The following AHRR variants were observed in gnomAD, a reference collection of about 807,000 sequenced individuals.
AHRR encodes aryl hydrocarbon receptor repressor.
Under a neutral mutation model 44.0 loss-of-function variants are expected in AHRR, and 28 were observed. That is an observed-to-expected ratio of 0.64 (90% CI 0.47 to 0.87). The LOEUF is 0.87. Among genes scored for constraint, AHRR ranks in the 40% least tolerant of loss-of-function variants. The probability of loss-of-function intolerance (pLI) is 0.00; values close to 1 mark genes in which losing one functional copy is unlikely to be tolerated. For synonymous variants in AHRR, 434 were observed against 407.0 expected (o/e 1.07, Z -0.80); for missense variants, 990 against 953.9 (o/e 1.04, Z -0.50).
chr5:339,129 G>T (rs991122355), intron 1 of AHRR, among the ~76,000 whole-genome samples: 3 of 152,096 alleles, frequency 2.0e-5, no homozygotes, highest in Non-Finnish European at 4.4e-5. Context: ...CTTTTTAAGA[G>T]ACAGGGTCTT....
intron 7 of AHRR, among the ~76,000 whole-genome samples, chr5:425,303 G>A (rs1736331800): frequency 6.6e-6 from 1 of 152,214 alleles, no homozygotes; most frequent in South Asian, 2.1e-4. Flanking sequence ...GGTAGCTAGG[G>A]ACAATAAAGT....
rs1560906241 is a variant in AHRR at position 395,678 on chromosome 5, T to A, written c.352-17666T>A. Among the ~76,000 whole-genome samples the A allele has an allele frequency of 6.6e-6, 1 of 152,310 alleles. No homozygotes were observed. The highest frequency in any genetic ancestry group is 1.9e-4 in the East Asian group (1 of 5,178). On this transcript the variant is annotated intron_variant, in intron 4 of 10. Coordinates refer to ENST00000684583, the MANE Select transcript of AHRR (RefSeq NM_001377236.1). This position sits in a 1 kb window ranked among gnomAD's most constrained non-coding sequence, Gnocchi z 5.3. ...TGCTCTGGTGTGGTTTCTGGAAAATTCCTGAGAAGTCCCCAGGAACCAAAG... is the reference window on the plus strand; with the variant it reads ...TGCTCTGGTGTGGTTTCTGGAAAATACCTGAGAAGTCCCCAGGAACCAAAG...
intron 3 of AHRR, among the ~76,000 whole-genome samples, chr5:354,936 C>T (rs996156474): frequency 2.6e-5 from 4 of 152,210 alleles, no homozygotes; most frequent in Admixed American, 1.3e-4. Flanking sequence ...CATCACGCGC[C>T]GTGTCCTGCC....
At position 346,015 on chromosome 5, in the gene AHRR, C is replaced by T. The variant is rs554367239; in HGVS notation, c.62+2051C>T. 3.9e-5 allele frequency among the ~76,000 whole-genome samples: 6 copies of T among 152,320 alleles called. No homozygotes were observed. In the South Asian group the frequency reaches 1.2e-3, roughly 32 times the overall value. ...CACCAGCATGCAGTAGGCTCAGTGC[C>T]CAGGCTGACGCTGGCCCAGCGGTGA... On this transcript the variant is annotated intron_variant, in intron 2 of 10. Transcript: ENST00000684583.
intron 1 of AHRR, among the ~76,000 whole-genome samples, chr5:336,372 T>C (rs1214896426): frequency 6.6e-6 from 1 of 152,226 alleles, no homozygotes; most frequent in African/African-American, 2.4e-5. Context: ...TCTTGGAAAA[T>C]AGATTCAAAG....
intron 4 of AHRR, among the ~76,000 whole-genome samples, chr5:384,479 A>C (rs1734095819): frequency 6.6e-6 from 1 of 152,286 alleles, no homozygotes; most frequent in South Asian, 2.1e-4. Context: ...ACTGGAGTGC[A>C]ATGGCATGAT....
chr5:415,150 G>A lies in AHRR; in HGVS notation c.441+1717G>A, dbSNP rs1227238660. Among the ~76,000 whole-genome samples, 3 of 152,264 alleles carry A rather than the reference G, an allele frequency of 2.0e-5. No individual in the cohort carries two copies. In the East Asian group the frequency reaches 5.8e-4, roughly 29 times the overall value. On this transcript the variant is annotated intron_variant, in intron 5 of 10. Coordinates refer to ENST00000684583, the MANE Select transcript of AHRR (RefSeq NM_001377236.1). The stretch of plus-strand genomic sequence containing the variant: ...CACCTGGAGGCCGCTAGGCGCTGGG[G>A]GAAGCTGTGACACTGCGGGGTGCAC...
intron 2 of AHRR, among the ~76,000 whole-genome samples, chr5:353,221 A>C (rs560081664): frequency 3.9e-5 from 6 of 152,316 alleles, no homozygotes; most frequent in Admixed American, 3.3e-4. Flanking sequence ...GGAGAAACCA[A>C]GCTCGGAGCG....
At chr5:345,609 GGT>G (rs1431299672) in intron 2 of AHRR, among the ~76,000 whole-genome samples, 1 of 146,794 alleles carries the variant, frequency 6.8e-6, no homozygotes, top group African/African-American at 2.5e-5. Flanking sequence ...TGTGTGTGTG[GGT>G]GTGTGTGTCG....
At chr5:417,053 C>T (rs1260938880) in intron 5 of AHRR, among the ~76,000 whole-genome samples, 2 of 148,358 alleles carry the variant, frequency 1.3e-5, no homozygotes, top group African/African-American at 5.0e-5. Flanking sequence ...GTGGCTTGGT[C>T]TGTATGTGCA....
chr5:324,648 G>T (rs1163961700), intron 1 of AHRR, among the ~76,000 whole-genome samples: 1 of 151,988 alleles, frequency 6.6e-6, no homozygotes, highest in East Asian at 1.9e-4. Flanking sequence ...AATTAGCCGG[G>T]TGTGGTGGCC....
At chr5:351,739 T>G (rs1241294568) in intron 2 of AHRR, among the ~76,000 whole-genome samples, 1 of 152,240 alleles carries the variant, frequency 6.6e-6, no homozygotes, top group Non-Finnish European at 1.5e-5. Flanking sequence ...ATGTGGATTA[T>G]ATCTCAACTG....
intron 4 of AHRR, among the ~76,000 whole-genome samples, chr5:401,094 C>T (rs1734996920): frequency 6.6e-6 from 1 of 152,366 alleles, no homozygotes; most frequent in East Asian, 1.9e-4. Flanking sequence ...TGTTCCCTTT[C>T]AGCAGATGCC....
intron 1 of AHRR, among the ~76,000 whole-genome samples, chr5:333,057 T>C (rs915534334): frequency 1.3e-5 from 2 of 151,614 alleles, no homozygotes; most frequent in African/African-American, 4.9e-5. Flanking sequence ...CCCCCGCCTT[T>C]ACTTTCAATC....
rs908985372 is a variant in AHRR at position 405,304 on chromosome 5, C to T, written c.352-8040C>T. Among the ~76,000 whole-genome samples the T allele has an allele frequency of 2.0e-5, 3 of 152,194 alleles. No homozygotes were observed. Among genetic ancestry groups the T allele is most frequent in the South Asian group, 2.1e-4 (1 of 4,814 alleles). On this transcript the variant is annotated intron_variant, in intron 4 of 10. Transcript: ENST00000684583. The surrounding 1 kb of genome is among the most constrained non-coding windows in gnomAD (Gnocchi z 4.5). ...TTCATGGTAGCTCCTCAGATGCTCC[C>T]GTGGATGCAGATGTCCTGCGGGGTC...
At chr5:352,393 G>C (rs1449572851) in intron 2 of AHRR, among the ~76,000 whole-genome samples, 1 of 150,434 alleles carries the variant, frequency 6.6e-6, no homozygotes, top group African/African-American at 2.5e-5. Flanking sequence ...AGCTGTAGGG[G>C]ATGGTCACTC....
In AHRR at chr5:404,301, A is replaced by C. The variant is rs753435630; in HGVS notation, c.352-9043A>C. 4.1e-6 allele frequency: 2 copies of C among 490,268 alleles called. No individual in the cohort carries two copies. Among genetic ancestry groups the C allele is most frequent in the Non-Finnish European group, 8.1e-6 (2 of 245,890 alleles). The allele number at this position is 490,268 out of a possible 1,614,324, so 30.4% of individuals were successfully genotyped here. A position where few individuals can be genotyped will look rare whatever the true frequency, so the allele number is the denominator to read the frequency against. On this transcript the variant is annotated intron_variant, in intron 4 of 10. Transcript: ENST00000684583. This position sits in a 1 kb window ranked among gnomAD's most constrained non-coding sequence, Gnocchi z 4.1. ...TCATCAAACATGTGAATAATTCGCT[A>C]ATTTTTCTTCCAGTGTTACTAAAAG... is the stretch of plus-strand genomic sequence containing the variant.
intron 7 of AHRR, 110 bp downstream of exon 7, chr5:424,087 C>G: frequency 1.4e-6 from 2 of 1,459,054 alleles, no homozygotes; most frequent in African/African-American, 2.8e-5. Context: ...ACCACATGTC[C>G]CTGGTGGAGG....
At chr5:421,079 G>A in intron 5 of AHRR, 4 of 539,708 alleles carry the variant, frequency 7.4e-6, no homozygotes. Flanking sequence ...GATAAAGAGG[G>A]AAAAGGACAA....
Sources: gnomAD v4.1 joint callset for allele counts (sites outside exome capture counted in the v4.1 genomes callset) on GRCh38, gnomAD v4.1.1 for gene constraint, Gnocchi (gnomAD v3.1) non-coding constraint, MANE v1.5 for transcripts, NCBI Gene and HGNC (gene_info 2026-07-23, HGNC 2026-07-21) for gene names.